The following CELSR1 variants were observed in gnomAD, a reference collection of about 807,000 sequenced individuals.
CELSR1 encodes cadherin EGF LAG seven-pass G-type receptor 1, also known as adhesion G protein-coupled receptor C1.
CELSR1 carries 110 observed loss-of-function variants against 249.1 expected under a neutral mutation model. The observed-to-expected ratio is 0.44, with a 90% CI of 0.38 to 0.52. The LOEUF (loss-of-function observed/expected upper bound fraction) is 0.52. CELSR1 is among the 20% of genes least tolerant of loss of function. CELSR1 has a pLI of 0.00. For missense variants in CELSR1, 4,109 were observed against 4,296.4 expected (o/e 0.96, Z 1.22); for synonymous variants, 2,113 against 1,900.0 (o/e 1.11, Z -2.92).
In CELSR1 at chr22:46,484,627, C is replaced by A. The variant is rs986384844; in HGVS notation, c.3545-20282G>T. Among the ~76,000 whole-genome samples, 56 of 147,496 alleles carry A rather than the reference C, an allele frequency of 3.8e-4. No homozygotes were observed. Among genetic ancestry groups the A allele is most frequent in the African/African-American group, 1.1e-3 (46 of 40,194 alleles). ...CACATACCACGAGAGCTACCTGGCCCACTCACTGCAGCACCTGTTTTGGCT... is the reference window on the plus strand; with the variant it reads ...CACATACCACGAGAGCTACCTGGCCAACTCACTGCAGCACCTGTTTTGGCT... On this transcript the variant is annotated intron_variant, in intron 1 of 34. Transcript: ENST00000674500. The surrounding 1 kb of genome is among the most constrained non-coding windows in gnomAD (Gnocchi z 4.5).
rs527727392 is a variant in CELSR1, at chr22:46,377,153, A to G, written c.7492T>C (p.Ser2498Pro). 20 of 1,613,526 alleles carry G rather than the reference A, an allele frequency of 1.2e-5. No individual in the cohort carries two copies. The highest frequency in any genetic ancestry group is 1.7e-5 in the Admixed American group (1 of 60,008). The change falls in exon 24 of 35, where the codon TCC becomes CCC. Residue 2498 changes from serine to proline, a missense_variant. Physicochemically the swap from Ser to Pro is moderately conservative, Grantham distance 74. Transcript: ENST00000674500. ...VLLSLVRMLR[S>P]NLHSIHKHLA... ...TGCTTGTGAATGCTGTGCAGGTTGG[A>G]GCGCAGCATGCGGACCAGGCTCAGG... is the stretch of plus-strand genomic sequence containing the variant.
chr22:46,365,538 C>A, intron 31 of CELSR1, 48 bp downstream of exon 31: 1 of 1,549,172 alleles, frequency 6.5e-7, no homozygotes, highest in Non-Finnish European at 8.8e-7. Flanking sequence ...ACCGAAGGGA[C>A]GTGGGAAAAA....
Position 46,533,656 on chromosome 22 carries a change from A to G in CELSR1, c.3515T>C (p.Leu1172Pro). ...CACAGACACCTCCATGAGCGCCTCC[A>G]GCGGCCGGTTGTTGTCCAGGTCGCG... ...LSRDLDNNRP[L>P]EALMEVSVSD... Residue 1172 changes from leucine to proline, a missense_variant, in exon 1 of 35, where the codon CTG becomes CCG. This residue lies in a region of CELSR1 where 886 missense variants were observed against 896.5 expected (regional missense o/e 0.99). Transcript: ENST00000674500. 6.3e-7 allele frequency: 1 copy of G among 1,592,038 alleles called. No individual in the cohort carries two copies. The highest frequency in any genetic ancestry group is 8.5e-7 in the Non-Finnish European group (1 of 1,171,646).
At chr22:46,497,835 T>C (rs992016733) in intron 1 of CELSR1, among the ~76,000 whole-genome samples, 4 of 152,190 alleles carry the variant, frequency 2.6e-5, no homozygotes, top group African/African-American at 4.8e-5. Context: ...AATGTATTTA[T>C]TGAGCTCACA....
chr22:46,533,330 G>A (rs1041508619), intron 1 of CELSR1, among the ~76,000 whole-genome samples: 1 of 152,220 alleles, frequency 6.6e-6, no homozygotes, highest in African/African-American at 2.4e-5. Flanking sequence ...TTTAATAGCT[G>A]TACTCAGGAG....
At chr22:46,419,387 G>C (rs528150840) in intron 5 of CELSR1, among the ~76,000 whole-genome samples, 2 of 152,292 alleles carry the variant, frequency 1.3e-5, no homozygotes, top group East Asian at 3.9e-4. Flanking sequence ...CACTCAACAA[G>C]AAGCTCACTC....
chr22:46,384,727 C>T, intron 19 of CELSR1, 41 bp from the exon 20 acceptor site: 1 of 1,572,580 alleles, frequency 6.4e-7, no homozygotes, highest in Non-Finnish European at 8.6e-7. Context: ...ACTCCCAGGG[C>T]TTTCTTGAAC....
Position 46,430,087 on chromosome 22 carries a change from G to T in CELSR1, c.4611+3306C>A, listed in dbSNP as rs1316294075. ...CAGGTTGCACGTGGAGGCAGTGCAG[G>T]AGGCCACTCTGACAGGCAACACCCG... On this transcript the variant is annotated intron_variant, in intron 5 of 34. Coordinates refer to ENST00000674500, the MANE Select transcript of CELSR1 (RefSeq NM_001378328.1). This position sits in a 1 kb window ranked among gnomAD's most constrained non-coding sequence, Gnocchi z 4.6. Among the ~76,000 whole-genome samples the T allele has an allele frequency of 1.3e-5, 2 of 152,208 alleles. No homozygotes were observed. The highest frequency in any genetic ancestry group is 2.9e-5 in the Non-Finnish European group (2 of 68,026).
chr22:46,475,383 C>T (rs1432057026), intron 1 of CELSR1, among the ~76,000 whole-genome samples: 1 of 152,124 alleles, frequency 6.6e-6, no homozygotes, highest in African/African-American at 2.4e-5. Flanking sequence ...AGGACAAATA[C>T]TGTCTGCTTC....
chr22:46,534,466 A>G lies in CELSR1; in HGVS notation c.2705T>C (p.Phe902Ser). Residue 902 changes from phenylalanine (F) to serine (S), a missense_variant, in exon 1 of 35, where the codon TTT (phenylalanine) becomes TCT (serine). Phe to Ser is a radical substitution (Grantham distance 155). This residue lies in a region of CELSR1 where 886 missense variants were observed against 896.5 expected (regional missense o/e 0.99). Transcript: ENST00000674500. The surrounding 1 kb of genome is among the most constrained non-coding windows in gnomAD (Gnocchi z 9.7). ...GCTGGTCGAGGGTGGAGCATCCTCA[A>G]AGATGGAACCCTGGTAGAAATCCCA... ...FLWDFYQGSI[F>S]EDAPPSTSIL... is the part of the protein sequence containing the mutation. 1 of 1,613,104 alleles carries G rather than the reference A, an allele frequency of 6.2e-7. No individual in the cohort carries two copies.
intron 27 of CELSR1, among the ~76,000 whole-genome samples, chr22:46,368,548 C>T (rs1232000490): frequency 6.6e-6 from 1 of 152,106 alleles, no homozygotes; most frequent in Admixed American, 6.5e-5. Flanking sequence ...AGCATTATCC[C>T]TTCGCCCATC....
chr22:46,420,939 G>A (rs767004596), intron 5 of CELSR1, among the ~76,000 whole-genome samples: 26 of 152,282 alleles, frequency 1.7e-4, no homozygotes, highest in South Asian at 2.1e-4. Context: ...GGATGGTCAC[G>A]GCAGGAAAAC....
chr22:46,394,996 C>T (rs1287065194), intron 13 of CELSR1, among the ~76,000 whole-genome samples: 6 of 152,220 alleles, frequency 3.9e-5, no homozygotes, highest in Non-Finnish European at 5.9e-5. Flanking sequence ...GCAACGGCCC[C>T]GCCCGAGTGT....
chr22:46,386,130 T>C lies in CELSR1; in HGVS notation c.6739+272A>G, dbSNP rs1024166868. ...GATTACAGGCATGCACCACCACACC[T>C]GGCTACTTTTTGTATTTTTAGTAGA... On this transcript the variant is annotated intron_variant, in intron 19 of 34. Transcript: ENST00000674500. Among the ~76,000 whole-genome samples the C allele has an allele frequency of 2.4e-4, 36 of 151,958 alleles. 1 individual carries two copies. Among genetic ancestry groups the C allele is most frequent in the South Asian group, 4.2e-4 (2 of 4,806 alleles).
chr22:46,478,710 A>ATTT lies in CELSR1; in HGVS notation c.3545-14366_3545-14365insAAA, dbSNP rs369299407. The stretch of plus-strand genomic sequence containing the variant: ...GGTGCGTGCCACCATGCCCAGCTAA[A>ATTT]ATTTTTTTTTTTTTGGTATTTTTAG... On this transcript the variant is annotated intron_variant, in intron 1 of 34. Transcript: ENST00000674500. 7.6e-3 allele frequency among the ~76,000 whole-genome samples: 1,127 copies of ATTT among 147,954 alleles called. 16 individuals are homozygous for ATTT. Among genetic ancestry groups the ATTT allele is most frequent in the African/African-American group, 0.024 (949 of 39,976 alleles).
intron 2 of CELSR1, among the ~76,000 whole-genome samples, chr22:46,461,023 G>C (rs1211094741): frequency 6.6e-6 from 1 of 152,146 alleles, no homozygotes; most frequent in Non-Finnish European, 1.5e-5. Context: ...TTCCAACCTT[G>C]CAACCGTGAG....
chr22:46,429,898 C>T lies in CELSR1; in HGVS notation c.4611+3495G>A, dbSNP rs1426466147. On this transcript the variant is annotated intron_variant, in intron 5 of 34. Coordinates refer to ENST00000674500, the MANE Select transcript of CELSR1 (RefSeq NM_001378328.1). The surrounding 1 kb of genome is among the most constrained non-coding windows in gnomAD (Gnocchi z 4.1). Reference sequence around the variant, plus strand: ...CTGCCTCCAGCCCTGGGTCCCACACCGCCTCTCATGGATGCCCCATGCCCT... The same window carrying T: ...CTGCCTCCAGCCCTGGGTCCCACACTGCCTCTCATGGATGCCCCATGCCCT... Among the ~76,000 whole-genome samples the T allele has an allele frequency of 1.3e-5, 2 of 152,252 alleles. No homozygotes were observed. The highest frequency in any genetic ancestry group is 2.9e-5 in the Non-Finnish European group (2 of 68,036).
In CELSR1 at chr22:46,408,588, G is replaced by A. The variant is rs757854972; in HGVS notation, c.5226+408C>T. Among the ~76,000 whole-genome samples, 3 of 152,162 alleles carry A rather than the reference G, an allele frequency of 2.0e-5. No homozygotes were observed. Among genetic ancestry groups the A allele is most frequent in the South Asian group, 2.1e-4 (1 of 4,826 alleles). On this transcript the variant is annotated intron_variant, in intron 9 of 34. Transcript: ENST00000674500. This position sits in a 1 kb window ranked among gnomAD's most constrained non-coding sequence, Gnocchi z 4.6. ...GACCTCAGGTGATCCGCCGGCCTCC[G>A]CCACCCAAAGTGTTGGGATTACAGG...
At position 46,430,697 on chromosome 22, in the gene CELSR1, G is replaced by A. The variant is rs1398428423; in HGVS notation, c.4611+2696C>T. On this transcript the variant is annotated intron_variant, in intron 5 of 34. Coordinates refer to ENST00000674500, the MANE Select transcript of CELSR1 (RefSeq NM_001378328.1). The surrounding 1 kb of genome is among the most constrained non-coding windows in gnomAD (Gnocchi z 4.6). Reference sequence around the variant, plus strand: ...AGACAAAGTGGAGGCCCAGAGAGCAGAGGAACCAGCCCCCAGAAGATTGTC... The same window carrying A: ...AGACAAAGTGGAGGCCCAGAGAGCAAAGGAACCAGCCCCCAGAAGATTGTC... Among the ~76,000 whole-genome samples, 2 of 152,158 alleles carry A rather than the reference G, an allele frequency of 1.3e-5. No homozygotes were observed. Among genetic ancestry groups the A allele is most frequent in the Non-Finnish European group, 2.9e-5 (2 of 68,042 alleles).
Sources: gnomAD v4.1 joint callset for allele counts (sites outside exome capture counted in the v4.1 genomes callset) on GRCh38, gnomAD v4.1.1 for gene constraint, gnomAD v4.1.1 regional missense constraint, Gnocchi (gnomAD v3.1) non-coding constraint, MANE v1.5 for transcripts, NCBI Gene and HGNC (gene_info 2026-07-23, HGNC 2026-07-21) for gene names.